CEP89: variants seen among roughly 807,000 people sequenced by gnomAD.
CEP89 encodes centrosomal protein 89, also known as centrosomal protein of 89 kDa.
CEP89 carries 95 observed loss-of-function variants against 97.6 expected under a neutral mutation model. The ratio of observed to expected loss-of-function variants is 0.97; its 90% confidence interval spans 0.82 to 1.15. The LOEUF is 1.15. Among genes scored for constraint, CEP89 ranks in the 50% most tolerant of loss-of-function variants. The pLI is 0.00. For missense variants in CEP89, 869 were observed against 947.7 expected (o/e 0.92, Z 1.09); for synonymous variants, 354 against 349.1 (o/e 1.01, Z -0.16).
chr19:32,967,278 C>A (rs1276414793), intron 1 of CEP89, among the ~76,000 whole-genome samples: 2 of 152,148 alleles, frequency 1.3e-5, no homozygotes, highest in African/African-American at 4.8e-5. Context: ...GAGAGCTCCG[C>A]TTTAGGTAAC....
intron 17 of CEP89, among the ~76,000 whole-genome samples, chr19:32,885,574 G>A (rs761379171): frequency 3.2e-4 from 48 of 152,102 alleles, no homozygotes; most frequent in Non-Finnish European, 6.3e-4. Flanking sequence ...TGCCTGCCTT[G>A]GCCTCCCAAA....
At chr19:32,957,954 C>T (rs1306160146) in intron 3 of CEP89, among the ~76,000 whole-genome samples, 1 of 151,954 alleles carries the variant, frequency 6.6e-6, no homozygotes, top group African/African-American at 2.4e-5. Flanking sequence ...CATGATTGTG[C>T]CATTGCACTC....
intron 9 of CEP89, among the ~76,000 whole-genome samples, chr19:32,928,681 G>A (rs1184000816): frequency 6.6e-6 from 1 of 152,198 alleles, no homozygotes; most frequent in East Asian, 1.9e-4. Context: ...TGTGCAGGGT[G>A]GTATTCCACA....
chr19:32,899,275 T>G (rs1482353414), intron 16 of CEP89, among the ~76,000 whole-genome samples: 1 of 151,922 alleles, frequency 6.6e-6, no homozygotes, highest in African/African-American at 2.4e-5. Flanking sequence ...AGACTACAGG[T>G]GCATGCCACC....
intron 2 of CEP89, among the ~76,000 whole-genome samples, chr19:32,962,900 T>TC (rs1418560556): frequency 3.9e-5 from 6 of 152,126 alleles, no homozygotes; most frequent in African/African-American, 1.4e-4. Flanking sequence ...CCAACGGCCT[T>TC]CCCAAGATGG....
intron 18 of CEP89, 71 bp downstream of exon 18, chr19:32,881,773 G>A: frequency 7.1e-7 from 1 of 1,413,806 alleles, no homozygotes; most frequent in Non-Finnish European, 9.5e-7. Context: ...CAGGCCCAGA[G>A]GGTTTTAGCA....
intron 16 of CEP89, among the ~76,000 whole-genome samples, chr19:32,888,857 T>C (rs1969454853): frequency 6.6e-6 from 1 of 151,742 alleles, no homozygotes; most frequent in Admixed American, 6.6e-5. Context: ...TCACCCAGGC[T>C]GGAGTGCAGT....
Position 32,877,933 on chromosome 19 carries a change from C to T in CEP89, c.*1229G>A, listed in dbSNP as rs1969201524. 1.3e-5 allele frequency: 2 copies of T among 152,310 alleles called. No homozygotes were observed. Among genetic ancestry groups the T allele is most frequent in the African/African-American group, 4.8e-5 (2 of 41,568 alleles). The allele number at this position is 152,310 out of a possible 1,614,324, so 9.4% of individuals were successfully genotyped here. On this transcript the variant is annotated 3_prime_UTR_variant, in exon 19 of 19. Transcript: ENST00000305768. ...TAGCTGGGATTACAGGCACCCACCA[C>T]CATGCCCAGCTAATTTTTGTATTTT... is the stretch of plus-strand genomic sequence containing the variant.
At chr19:32,925,003 C>T (rs1397121349) in intron 11 of CEP89, among the ~76,000 whole-genome samples, 4 of 152,138 alleles carry the variant, frequency 2.6e-5, no homozygotes, top group Non-Finnish European at 5.9e-5. Context: ...GTACAAGATT[C>T]ATTCATGCTC....
intron 16 of CEP89, among the ~76,000 whole-genome samples, chr19:32,890,826 A>G (rs1969499786): frequency 6.6e-6 from 1 of 152,040 alleles, no homozygotes; most frequent in African/African-American, 2.4e-5. Flanking sequence ...TGGGTCCCAC[A>G]CTGACCCAGG....
At chr19:32,955,613 A>T (rs1971029864) in intron 3 of CEP89, among the ~76,000 whole-genome samples, 3 of 152,058 alleles carry the variant, frequency 2.0e-5, no homozygotes, top group Admixed American at 2.0e-4. Flanking sequence ...TCCCGCGTTC[A>T]AGTGATTCTC....
At position 32,936,085 on chromosome 19, in the gene CEP89, C is replaced by T. The variant is rs918015614; in HGVS notation, c.667+1546G>A. ...TGGGTGTCTCTGCAGTCTGCACCCT[C>T]GGGGGCCTGGGAAGGCTCCCGTGTC... On this transcript the variant is annotated intron_variant, in intron 7 of 18. Transcript: ENST00000305768. This position sits in a 1 kb window ranked among gnomAD's most constrained non-coding sequence, Gnocchi z 4.5. Among the ~76,000 whole-genome samples the T allele has an allele frequency of 6.6e-6, 1 of 152,118 alleles. No homozygotes were observed. Among genetic ancestry groups the T allele is most frequent in the Admixed American group, 6.5e-5 (1 of 15,288 alleles).
intron 17 of CEP89, 79 bp from the exon 18 acceptor site, chr19:32,882,092 C>A: frequency 8.0e-7 from 1 of 1,249,282 alleles, no homozygotes. Context: ...GTGCTCCCTA[C>A]CCACTCCTTG....
chr19:32,896,765 G>C (rs1043055017), intron 16 of CEP89, among the ~76,000 whole-genome samples: 6 of 150,842 alleles, frequency 4.0e-5, no homozygotes, highest in Non-Finnish European at 8.9e-5. Flanking sequence ...AGTTCTCTCT[G>C]TCTCTCTCTC....
At chr19:32,966,498 G>A in intron 1 of CEP89, 32 bp from the exon 2 acceptor site, 1 of 1,370,452 alleles carries the variant, frequency 7.3e-7, no homozygotes, top group Non-Finnish European at 9.9e-7. Context: ...GAAGTCACTG[G>A]GTTGGGTCAC....
At chr19:32,944,220 T>TAAAAAAAAAAAAAAAAAAAAAAAAAA (rs750448528) in intron 5 of CEP89, among the ~76,000 whole-genome samples, 3 of 62,424 alleles carry the variant, frequency 4.8e-5, no homozygotes, top group African/African-American at 1.3e-4. Flanking sequence ...TGAGACCCTG[T>TAAAAAAAAAAAAAAAAAAAAAAAAAA]AAAAAAAAAA....
At chr19:32,889,467 T>G (rs143442269) in intron 16 of CEP89, among the ~76,000 whole-genome samples, 209 of 152,292 alleles carry the variant, frequency 1.4e-3, no homozygotes, top group Admixed American at 3.9e-3. Flanking sequence ...CAGGCCATGA[T>G]AAAGGTCAAG....
intron 16 of CEP89, among the ~76,000 whole-genome samples, chr19:32,890,505 A>G (rs757975144): frequency 3.3e-5 from 5 of 152,136 alleles, no homozygotes; most frequent in Non-Finnish European, 7.4e-5. Flanking sequence ...GAGAACCAAA[A>G]CAGGAGTCAG....
At chr19:32,911,260 T>G (rs8101313) in intron 14 of CEP89, among the ~76,000 whole-genome samples, 1 of 152,252 alleles carries the variant, frequency 6.6e-6, no homozygotes, top group Non-Finnish European at 1.5e-5. Flanking sequence ...GTTATGACAC[T>G]GCCACAAAAA....
Sources: allele counts gnomAD v4.1 joint callset (sites outside exome capture counted in the v4.1 genomes callset), GRCh38; gene constraint gnomAD v4.1.1; non-coding constraint Gnocchi (gnomAD v3.1); transcripts MANE v1.5; gene names NCBI Gene and HGNC (gene_info 2026-07-23, HGNC 2026-07-21).